PTPRD: variants seen among roughly 807,000 people sequenced by gnomAD.
The protein encoded by PTPRD is receptor-type tyrosine-protein phosphatase delta.
PTPRD carries 34 observed loss-of-function variants against 214.5 expected under a neutral mutation model. The observed-to-expected ratio is 0.16, with a 90% CI of 0.12 to 0.21. The LOEUF (loss-of-function observed/expected upper bound fraction) is 0.21. Ranked by LOEUF, PTPRD falls within the 10% of genes least tolerant of loss-of-function variation. The probability of loss-of-function intolerance (pLI) is 1.00; values close to 1 mark genes in which losing one functional copy is unlikely to be tolerated. For synonymous variants in PTPRD, 1,128 were observed against 845.7 expected, an observed-to-expected ratio of 1.33 and a Z score of -5.79; for missense variants, 2,545 against 2,398.7, an observed-to-expected ratio of 1.06 and a Z score of -1.27.
At chr9:8,320,001 G>C (rs775647438) in intron 44 of PTPRD, 35 bp from the exon 45 acceptor site, 2 of 1,605,872 alleles carry the variant, frequency 1.2e-6, no homozygotes, top group Non-Finnish European at 1.7e-6. Flanking sequence ...TACTGGGTGA[G>C]ATGTTCACAG....
At chr9:9,228,521 T>C (rs2099961007) in intron 9 of PTPRD, among the ~76,000 whole-genome samples, 1 of 152,116 alleles carries the variant, frequency 6.6e-6, no homozygotes, top group Non-Finnish European at 1.5e-5. Flanking sequence ...ATATATATAA[T>C]TAATCTACTA....
chr9:8,930,798 TG>T (rs1488092822), intron 11 of PTPRD, among the ~76,000 whole-genome samples: 1 of 152,208 alleles, frequency 6.6e-6, no homozygotes, highest in African/African-American at 2.4e-5. Context: ...GCCCACTTTT[TG>T]ATGGGGTTGT....
intron 11 of PTPRD, among the ~76,000 whole-genome samples, chr9:8,880,379 G>A (rs898063563): frequency 2.0e-5 from 3 of 152,090 alleles, no homozygotes; most frequent in African/African-American, 7.2e-5. Flanking sequence ...TGTTACCTGT[G>A]GATATCTACA....
At chr9:8,322,636 T>G (rs1218120240) in intron 44 of PTPRD, among the ~76,000 whole-genome samples, 1 of 152,144 alleles carries the variant, frequency 6.6e-6, no homozygotes, top group East Asian at 1.9e-4. Context: ...GCCAACCCCA[T>G]AACATAAAAG....
intron 2 of PTPRD, among the ~76,000 whole-genome samples, chr9:10,402,138 G>C (rs1358315707): frequency 6.6e-6 from 1 of 151,596 alleles, no homozygotes; most frequent in Admixed American, 6.6e-5. Context: ...TAATTAAAGA[G>C]CAGGTACTAG....
chr9:8,633,616 T>C (rs1172883940), intron 13 of PTPRD, among the ~76,000 whole-genome samples, 158 bp from the exon 14 acceptor site: 4 of 152,082 alleles, frequency 2.6e-5, no homozygotes, highest in African/African-American at 9.7e-5. Context: ...ATATTTGGTC[T>C]AATTTAGTGA....
At chr9:9,823,246 G>A (rs971187596) in intron 5 of PTPRD, among the ~76,000 whole-genome samples, 1 of 151,952 alleles carries the variant, frequency 6.6e-6, no homozygotes, top group Non-Finnish European at 1.5e-5. Context: ...CCTGGCTTCT[G>A]GGAAGGCCTC....
At chr9:9,001,598 T>C (rs1265963666) in intron 11 of PTPRD, among the ~76,000 whole-genome samples, 1 of 151,976 alleles carries the variant, frequency 6.6e-6, no homozygotes, top group African/African-American at 2.4e-5. Context: ...GAGAAGTTGG[T>C]GGAACTCAGG....
chr9:9,937,426 T>TAA (rs35495271), intron 5 of PTPRD, among the ~76,000 whole-genome samples: 8,838 of 144,672 alleles, frequency 0.061, 471 homozygotes, highest in East Asian at 0.17. Flanking sequence ...CATAGATAAA[T>TAA]AAAAAAAAAA....
intron 3 of PTPRD, among the ~76,000 whole-genome samples, chr9:10,096,694 G>T (rs10958884): frequency 0.16 from 24,415 of 151,938 alleles, 2,489 homozygotes; most frequent in South Asian, 0.32. Context: ...TAGGTTGCCT[G>T]TTCACTCTGA....
chr9:9,270,100 G>T (rs1942205571), intron 9 of PTPRD, among the ~76,000 whole-genome samples: 1 of 150,946 alleles, frequency 6.6e-6, no homozygotes, highest in African/African-American at 2.4e-5. Flanking sequence ...TATACAAAAA[G>T]GTAACTAGGT....
chr9:10,129,787 TA>T (rs1370921958), intron 3 of PTPRD, among the ~76,000 whole-genome samples: 1 of 152,232 alleles, frequency 6.6e-6, no homozygotes, highest in Admixed American at 6.5e-5. Context: ...TTGAATTTGC[TA>T]AATTGGCTGA....
At chr9:9,614,790 G>C (rs1305446783) in intron 7 of PTPRD, among the ~76,000 whole-genome samples, 2 of 152,136 alleles carry the variant, frequency 1.3e-5, no homozygotes, top group African/African-American at 4.8e-5. Flanking sequence ...CTGTAGAGCA[G>C]AACACAGTAT....
At chr9:10,159,849 AC>A (rs2099116754) in intron 3 of PTPRD, among the ~76,000 whole-genome samples, 1 of 152,082 alleles carries the variant, frequency 6.6e-6, no homozygotes. Context: ...AAAGTAAGCT[AC>A]CAGATATAGA....
At chr9:9,949,034 A>T (rs2093145567) in intron 4 of PTPRD, among the ~76,000 whole-genome samples, 1 of 152,086 alleles carries the variant, frequency 6.6e-6, no homozygotes, top group African/African-American at 2.4e-5. Flanking sequence ...GGTGAAGAAT[A>T]CGAGAAAACA....
At chr9:10,033,681 A>G (rs1402278453) in intron 4 of PTPRD, 37 bp downstream of exon 4, 1 of 152,114 alleles carries the variant, frequency 6.6e-6, no homozygotes, top group Non-Finnish European at 1.5e-5. Flanking sequence ...TATTAAATTG[A>G]GCATTAAAAA....
chr9:9,299,762 TATGTGGGATGAGGGAAAAGACACGC>T (rs1302750011), intron 9 of PTPRD, among the ~76,000 whole-genome samples: 10 of 151,348 alleles, frequency 6.6e-5, no homozygotes, highest in South Asian at 2.1e-4. Flanking sequence ...AATAGACACA[TATGTGGGATGAGGGAAAAGACACGC>T]ATGTGGGATG....
intron 14 of PTPRD, among the ~76,000 whole-genome samples, chr9:8,550,409 C>T (rs2081678784): frequency 6.6e-6 from 1 of 152,168 alleles, no homozygotes; most frequent in African/African-American, 2.4e-5. Flanking sequence ...ACTGCTACTA[C>T]TAGATTGTAT....
chr9:10,194,972 G>A (rs997829342), intron 3 of PTPRD, among the ~76,000 whole-genome samples: 1 of 142,348 alleles, frequency 7.0e-6, no homozygotes, highest in East Asian at 2.1e-4. Flanking sequence ...ACAGAGTCTT[G>A]TTCAGGCTGG....
Sources: gnomAD v4.1 joint callset for allele counts (sites outside exome capture counted in the v4.1 genomes callset) on GRCh38, gnomAD v4.1.1 for gene constraint, MANE v1.5 for transcripts, NCBI Gene and HGNC (gene_info 2026-07-23, HGNC 2026-07-21) for gene names.